AACS: variants seen among roughly 807,000 people sequenced by gnomAD.
AACS encodes acetoacetate-CoA ligase.
In AACS, 69 loss-of-function variants were observed where a neutral mutation model predicts 83.1. The ratio of observed to expected loss-of-function variants is 0.83; its 90% confidence interval spans 0.68 to 1.01. The LOEUF is 1.01. Among genes scored for constraint, AACS ranks in the 50% least tolerant of loss-of-function variants. The pLI, the probability that AACS is intolerant of heterozygous loss-of-function variation, is 0.00. For synonymous variants in AACS, 333 were observed against 343.4 expected, an observed-to-expected ratio of 0.97 and a Z score of 0.33; for missense variants, 866 against 882.2, an observed-to-expected ratio of 0.98 and a Z score of 0.23.
At position 125,094,647 on chromosome 12, in the gene AACS, C is replaced by G. The variant is rs1187918325; in HGVS notation, c.570+3124C>G. Among the ~76,000 whole-genome samples, 1 of 152,176 alleles carries G rather than the reference C, an allele frequency of 6.6e-6. No individual in the cohort carries two copies. The highest frequency in any genetic ancestry group is 2.4e-5 in the African/African-American group (1 of 41,442). ...CCCCTGTGCTTTACTTCTACCCATT[C>G]CATGCTCTCTCCCACCACTGCCCAC... On this transcript the variant is annotated intron_variant, in intron 5 of 17. Transcript: ENST00000316519. This position sits in a 1 kb window ranked among gnomAD's most constrained non-coding sequence, Gnocchi z 4.1.
At chr12:125,083,949 C>T (rs1034388923) in intron 3 of AACS, among the ~76,000 whole-genome samples, 17 of 151,986 alleles carry the variant, frequency 1.1e-4, no homozygotes, top group Admixed American at 2.6e-4. Context: ...CCACCGTGCC[C>T]GGCCTAGAAG....
At position 125,129,703 on chromosome 12, in the gene AACS, C is replaced by T. The variant is rs1475944674; in HGVS notation, c.1549+243C>T. ...TAGTTGAATCTCAGCCACCTCTGCC[C>T]AGAGCCTCTTGGCCCCAGCCCCTGC... On this transcript the variant is annotated intron_variant, in intron 14 of 17. Coordinates refer to ENST00000316519, the MANE Select transcript of AACS (RefSeq NM_023928.5). The surrounding 1 kb of genome is among the most constrained non-coding windows in gnomAD (Gnocchi z 4.3). Among the ~76,000 whole-genome samples the T allele has an allele frequency of 6.6e-6, 1 of 152,198 alleles. No homozygotes were observed. Among genetic ancestry groups the T allele is most frequent in the Non-Finnish European group, 1.5e-5 (1 of 68,040 alleles).
chr12:125,134,809 C>A lies in AACS; in HGVS notation c.1635C>A (p.Asn545Lys), dbSNP rs375534285. 3.7e-6 allele frequency: 6 copies of A among 1,614,068 alleles called. No individual in the cohort carries two copies. Among genetic ancestry groups the A allele is most frequent in the Non-Finnish European group, 4.2e-6 (5 of 1,180,036 alleles). Residue 545 changes from asparagine (N) to lysine (K), a missense_variant, in exon 16 of 18, where the codon AAC becomes AAA. By Grantham distance (94) the Asn-to-Lys change is moderately conservative. Transcript: ENST00000316519. Reference sequence around the variant, plus strand: ...CTCTTTCCAGTGACGGCACCCTCAACCCCAACGGGGTGCGGTTCGGCAGCT... The same window carrying A: ...CTCTTTCCAGTGACGGCACCCTCAAACCCAACGGGGTGCGGTTCGGCAGCT... ...VMLGRSDGTL[N>K]PNGVRFGSSE...
intron 1 of AACS, among the ~76,000 whole-genome samples, chr12:125,067,548 T>C (rs1955735918): frequency 6.6e-6 from 1 of 152,110 alleles, no homozygotes; most frequent in Non-Finnish European, 1.5e-5. Context: ...CTGGATTTTT[T>C]TTTTTTTTAA....
intron 17 of AACS, chr12:125,141,701 AAAAAAAAAAG>A (rs577989129): frequency 8.5e-4 from 128 of 150,110 alleles, no homozygotes; most frequent in African/African-American, 2.7e-3. Flanking sequence ...TGTCTCAAAA[AAAAAAAAAAG>A]AAAAAAAAAG....
In AACS at chr12:125,129,332, C is replaced by G. The variant is rs1957293751; in HGVS notation, c.1424-3C>G. The stretch of plus-strand genomic sequence containing the variant: ...GGGCTTATTTTTAATTCTCCCATAC[C>G]AGGAAAGGCGGTCTGGGGAGAGAGC... On this transcript the variant is annotated splice_polypyrimidine_tract_variant and splice_region_variant and intron_variant, in intron 13 of 17. Transcript: ENST00000316519. This position sits in a 1 kb window ranked among gnomAD's most constrained non-coding sequence, Gnocchi z 4.3. The G allele has an allele frequency of 3.1e-6, 5 of 1,610,738 alleles. No individual in the cohort carries two copies. The East Asian group carries it at 1.1e-4, about 36-fold the overall frequency.
At chr12:125,127,529 C>A (rs1280770738) in intron 12 of AACS, 1 of 152,262 alleles carries the variant, frequency 6.6e-6, no homozygotes, top group African/African-American at 2.4e-5. Flanking sequence ...GCAACCTCCG[C>A]CTCCTGGGTT....
chr12:125,073,701 C>T (rs1955939887), intron 1 of AACS, among the ~76,000 whole-genome samples, 175 bp from the exon 2 acceptor site: 2 of 152,122 alleles, frequency 1.3e-5, no homozygotes, highest in Admixed American at 1.3e-4. Flanking sequence ...TTTTTGGGGA[C>T]TAGTGGTGTT....
rs549996182 is a variant in AACS, at chr12:125,100,468, G to A, written c.571-2211G>A. On this transcript the variant is annotated intron_variant, in intron 5 of 17. Transcript: ENST00000316519. Reference sequence around the variant, plus strand: ...GTTTCTGATAGATCGTATGTTCTGGGGAGTGGGAACCCTGTCTGTCTGGTT... The same window carrying A: ...GTTTCTGATAGATCGTATGTTCTGGAGAGTGGGAACCCTGTCTGTCTGGTT... Among the ~76,000 whole-genome samples the A allele has an allele frequency of 3.3e-5, 5 of 152,360 alleles. No homozygotes were observed. The East Asian group carries it at 9.6e-4, about 29-fold the overall frequency.
intron 4 of AACS, among the ~76,000 whole-genome samples, chr12:125,087,386 G>T (rs1455238068): frequency 2.6e-5 from 4 of 152,206 alleles, no homozygotes; most frequent in Non-Finnish European, 4.4e-5. Flanking sequence ...TTGACTTGTG[G>T]AAAAAATGTA....
intron 5 of AACS, among the ~76,000 whole-genome samples, chr12:125,099,012 C>T (rs1400594944): frequency 6.6e-6 from 1 of 152,216 alleles, no homozygotes; most frequent in Non-Finnish European, 1.5e-5. Flanking sequence ...TCTCACTGGA[C>T]ATCTTATCTT....
At position 125,124,753 on chromosome 12, in the gene AACS, G is replaced by A. The variant is rs148397832; in HGVS notation, c.1170G>A (p.Glu390=). 3 of 1,614,142 alleles carry A rather than the reference G, an allele frequency of 1.9e-6. No homozygotes were observed. The highest frequency in any genetic ancestry group is 2.5e-6 in the Non-Finnish European group (3 of 1,180,052). ...TGAKWLSVLE[E]KAMKPVETHS... ...CCAAGTGGCTGTCAGTGCTGGAAGA[G>A]AAGGCCATGAAGCCGGGTGAGTGTG... The change falls in exon 11 of 18, where the codon GAG becomes GAA. Residue 390 remains glutamate (E), a synonymous_variant. Transcript: ENST00000316519.
rs533115947 is a variant in AACS, at chr12:125,130,668, T to C, written c.1549+1208T>C. 9.8e-5 allele frequency among the ~76,000 whole-genome samples: 15 copies of C among 152,362 alleles called. 1 individual carries two copies. The East Asian group carries it at 2.9e-3, about 29-fold the overall frequency. On this transcript the variant is annotated intron_variant, in intron 14 of 17. Coordinates refer to ENST00000316519, the MANE Select transcript of AACS (RefSeq NM_023928.5). The surrounding 1 kb of genome is among the most constrained non-coding windows in gnomAD (Gnocchi z 4.9). The stretch of plus-strand genomic sequence containing the variant: ...AATAATCTTTTTTTGAAACTGATAT[T>C]CCTTCTTGGAGAAGACAAGTACTTT...
intron 1 of AACS, among the ~76,000 whole-genome samples, chr12:125,069,821 G>A (rs1009084140): frequency 1.9e-4 from 29 of 152,244 alleles, no homozygotes; most frequent in African/African-American, 7.0e-4. Context: ...AGCTCCGGGT[G>A]GCTAGGGGAG....
chr12:125,073,804 A>G, intron 1 of AACS, 72 bp from the exon 2 acceptor site: 1 of 1,237,012 alleles, frequency 8.1e-7, no homozygotes, highest in Non-Finnish European at 1.2e-6. Context: ...AAGGCTTCTG[A>G]GGTGTGTCCA....
intron 3 of AACS, among the ~76,000 whole-genome samples, chr12:125,077,096 A>G (rs1425350931): frequency 3.8e-5 from 4 of 106,104 alleles, no homozygotes; most frequent in Admixed American, 1.0e-4. Context: ...TTTTTTTTTT[A>G]GTAGAGACAG....
At chr12:125,111,562 A>G (rs1031082057) in intron 8 of AACS, among the ~76,000 whole-genome samples, 1 of 152,224 alleles carries the variant, frequency 6.6e-6, no homozygotes, top group Non-Finnish European at 1.5e-5. Flanking sequence ...GTGACTAAGC[A>G]TCTTGCTCGT....
intron 4 of AACS, among the ~76,000 whole-genome samples, chr12:125,089,179 C>G (rs1956405974): frequency 6.6e-6 from 1 of 152,230 alleles, no homozygotes; most frequent in Admixed American, 6.5e-5. Context: ...CAAGTCTCAT[C>G]TTCGCTGCAA....
chr12:125,138,442 G>A (rs1056363744), intron 17 of AACS: 8 of 152,136 alleles, frequency 5.3e-5, no homozygotes, highest in African/African-American at 1.9e-4. Flanking sequence ...TCTGATGAGG[G>A]TCTAAGGTTT....
Sources: gnomAD v4.1 joint callset for allele counts (sites outside exome capture counted in the v4.1 genomes callset) on GRCh38, gnomAD v4.1.1 for gene constraint, Gnocchi (gnomAD v3.1) non-coding constraint, MANE v1.5 for transcripts, NCBI Gene and HGNC (gene_info 2026-07-23, HGNC 2026-07-21) for gene names.